Variants in MMEL1 observed in about 807,000 individuals in gnomAD.
MMEL1 encodes membrane metalloendopeptidase like 1.
A neutral mutation model predicts 117.1 loss-of-function variants in MMEL1; 98 were observed. That is an observed-to-expected ratio of 0.84 (90% CI 0.71 to 0.99). The LOEUF (loss-of-function observed/expected upper bound fraction) is 0.99. Among genes scored for constraint, MMEL1 ranks in the 50% least tolerant of loss-of-function variants. MMEL1 has a pLI of 0.00. For synonymous variants in MMEL1, 390 were observed against 415.1 expected (o/e 0.94, Z 0.74); for missense variants, 1,014 against 1,049.1 (o/e 0.97, Z 0.46).
At chr1:2,618,936 C>A (rs947019533) in intron 2 of MMEL1, among the ~76,000 whole-genome samples, 1 of 152,208 alleles carries the variant, frequency 6.6e-6, no homozygotes, top group Non-Finnish European at 1.5e-5. Context: ...TTCTCTGCAT[C>A]CGTGCCTTGG....
intron 12 of MMEL1, among the ~76,000 whole-genome samples, 159 bp from the exon 13 acceptor site, chr1:2,598,459 G>A (rs1245079440): frequency 6.6e-6 from 1 of 152,200 alleles, no homozygotes; most frequent in Non-Finnish European, 1.5e-5. Context: ...CAGCCCATCT[G>A]CCCCGGGTGC....
chr1:2,605,908 TTGTTTCGTG>T (rs1275925329), intron 8 of MMEL1, among the ~76,000 whole-genome samples: 2 of 152,096 alleles, frequency 1.3e-5, no homozygotes, highest in African/African-American at 2.4e-5. Context: ...GGGCGCGTAT[TTGTTTCGTG>T]TGTTTCTCTT....
chr1:2,605,794 T>G (rs1645015161), intron 8 of MMEL1, among the ~76,000 whole-genome samples, 171 bp from the exon 9 acceptor site: 2 of 125,242 alleles, frequency 1.6e-5, no homozygotes, highest in Non-Finnish European at 3.4e-5. Context: ...CTGCCCCGAG[T>G]GATGGTGGGG....
chr1:2,593,821 G>C lies in MMEL1; in HGVS notation c.1860C>G (p.Asp620Glu), dbSNP rs571161601. ...VIGHEITHGF[D>E]DNGRNFDKNG... Reference sequence around the variant, plus strand: ...GGAGGGGCGGCCGCTCACCATTGTCGTCAAAGCCGTGCGTGATCTCGTGCC... The same window carrying C: ...GGAGGGGCGGCCGCTCACCATTGTCCTCAAAGCCGTGCGTGATCTCGTGCC... The change falls in exon 19 of 24, where the codon GAC becomes GAG. Residue 620 changes from aspartate to glutamate, a missense_variant. By Grantham distance (45) the Asp-to-Glu change is conservative (BLOSUM62 2). Coordinates refer to ENST00000378412, the MANE Select transcript of MMEL1 (RefSeq NM_033467.4). 6.2e-7 allele frequency: 1 copy of C among 1,606,646 alleles called. No homozygotes were observed. Among genetic ancestry groups the C allele is most frequent in the Non-Finnish European group, 8.5e-7 (1 of 1,175,694 alleles).
Position 2,624,278 on chromosome 1 carries a change from G to A in MMEL1, c.154+5053C>T, listed in dbSNP as rs529906630. Among the ~76,000 whole-genome samples, 212 of 152,322 alleles carry A rather than the reference G, an allele frequency of 1.4e-3. 1 individual carries two copies. The highest frequency in any genetic ancestry group is 4.6e-3 in the African/African-American group (193 of 41,554). Reference sequence around the variant, plus strand: ...CTGGAGCAGGCAAGAGGAGAGAACCGTCTGGTCCCCGGGCTGACTTCTCTA... The same window carrying A: ...CTGGAGCAGGCAAGAGGAGAGAACCATCTGGTCCCCGGGCTGACTTCTCTA... On this transcript the variant is annotated intron_variant, in intron 2 of 23. Coordinates refer to ENST00000378412, the MANE Select transcript of MMEL1 (RefSeq NM_033467.4).
intron 2 of MMEL1, among the ~76,000 whole-genome samples, chr1:2,627,370 G>A (rs560667564): frequency 6.6e-6 from 1 of 152,216 alleles, no homozygotes; most frequent in African/African-American, 2.4e-5. Flanking sequence ...TCATTTTCTT[G>A]ATCTTTCCAA....
chr1:2,623,136 T>C (rs1645315874), intron 2 of MMEL1, among the ~76,000 whole-genome samples: 1 of 150,352 alleles, frequency 6.7e-6, no homozygotes, highest in African/African-American at 2.5e-5. Flanking sequence ...GCCACTGCAC[T>C]CCAGCCTGGC....
At chr1:2,605,915 G>A (rs1018967455) in intron 8 of MMEL1, among the ~76,000 whole-genome samples, 5 of 152,188 alleles carry the variant, frequency 3.3e-5, no homozygotes, top group Admixed American at 1.3e-4. Context: ...TATTTGTTTC[G>A]TGTGTTTCTC....
At chr1:2,597,854 T>C (rs893556176) in intron 13 of MMEL1, among the ~76,000 whole-genome samples, 1 of 152,210 alleles carries the variant, frequency 6.6e-6, no homozygotes, top group Non-Finnish European at 1.5e-5. Flanking sequence ...GTCCGGCCCC[T>C]GCCTGCTCCT....
intron 17 of MMEL1, 140 bp from the exon 18 acceptor site, chr1:2,594,583 T>G (rs1644800852): frequency 8.7e-7 from 1 of 1,150,066 alleles, no homozygotes; most frequent in Non-Finnish European, 1.3e-6. Flanking sequence ...GGTTCCTTCC[T>G]GGGGTCCCTG....
At chr1:2,594,012 A>G in intron 18 of MMEL1, 79 bp from the exon 19 acceptor site, 1 of 1,486,186 alleles carries the variant, frequency 6.7e-7, no homozygotes, top group Non-Finnish European at 8.9e-7. Flanking sequence ...TGGCGCTGCC[A>G]GGGGTTCTGA....
rs757775067 is a variant in MMEL1 at position 2,592,727 on chromosome 1, A to G, written c.2002-7T>C. ...GGGTGTTGAATCCGTTCACCTGCGCACAGGAGACAGGATTGGGGCAGCCCC... is the reference window on the plus strand; with the variant it reads ...GGGTGTTGAATCCGTTCACCTGCGCGCAGGAGACAGGATTGGGGCAGCCCC... On this transcript the variant is annotated splice_polypyrimidine_tract_variant and splice_region_variant and intron_variant, in intron 20 of 23. Coordinates refer to ENST00000378412, the MANE Select transcript of MMEL1 (RefSeq NM_033467.4). The G allele has an allele frequency of 7.5e-6, 12 of 1,610,626 alleles. No individual in the cohort carries two copies. The highest frequency in any genetic ancestry group is 9.3e-6 in the Non-Finnish European group (11 of 1,178,774).
rs141663399 is a variant in MMEL1, at chr1:2,595,497, G to A, written c.1501-138C>T. On this transcript the variant is annotated intron_variant, in intron 15 of 23. Coordinates refer to ENST00000378412, the MANE Select transcript of MMEL1 (RefSeq NM_033467.4). This position sits in a 1 kb window ranked among gnomAD's most constrained non-coding sequence, Gnocchi z 4.8. ...TGTGCTCTCCCTGTCCTGTGGTGAG[G>A]GGCTGGGGGGCTCCGGGATCTGGCC... is the stretch of plus-strand genomic sequence containing the variant. 1.5e-3 allele frequency: 1,064 copies of A among 698,088 alleles called. 10 individuals carry two copies. In the African/African-American group the frequency reaches 0.017, roughly 11 times the overall value. The allele number at this position is 698,088 out of a possible 1,614,324, so 43.2% of individuals were successfully genotyped here.
chr1:2,622,727 A>C (rs2100962427), intron 2 of MMEL1, among the ~76,000 whole-genome samples: 1 of 152,218 alleles, frequency 6.6e-6, no homozygotes, highest in Non-Finnish European at 1.5e-5. Context: ...TCTACTAAAA[A>C]TACAAAAATT....
intron 3 of MMEL1, 121 bp from the exon 4 acceptor site, chr1:2,611,461 G>A: frequency 1.8e-6 from 1 of 554,406 alleles, no homozygotes; most frequent in Non-Finnish European, 3.1e-6. Flanking sequence ...GACTGGGGTG[G>A]GCGGGGCAAG....
At position 2,633,014 on chromosome 1, in the gene MMEL1, C is replaced by T. The variant is rs968202868; in HGVS notation, c.-186G>A. 6 of 985,642 alleles carry T rather than the reference C, an allele frequency of 6.1e-6. No individual in the cohort carries two copies. The African/African-American group carries it at 1.0e-4, about 17-fold the overall frequency. The allele number at this position is 985,642 out of a possible 1,614,324, so 61.1% of individuals were successfully genotyped here. A position where few individuals can be genotyped will look rare whatever the true frequency, so the allele number is the denominator to read the frequency against. ...GTGGCTTGGGGCTGAGTTGAGGCTG[C>T]CTGAAGGCTTCTGGGCCTCCTTTGT... On this transcript the variant is annotated 5_prime_UTR_variant, in exon 1 of 24. Coordinates refer to ENST00000378412, the MANE Select transcript of MMEL1 (RefSeq NM_033467.4).
Position 2,604,135 on chromosome 1 carries a change from C to CCCCCCCCCAAAAAGG in MMEL1, c.951+11_951+12insCCTTTTTGGGGGGGG. 6.6e-7 allele frequency: 1 copy of CCCCCCCCCAAAAAGG among 1,520,166 alleles called. No homozygotes were observed. Among genetic ancestry groups the CCCCCCCCCAAAAAGG allele is most frequent in the Non-Finnish European group, 9.1e-7 (1 of 1,100,358 alleles). 94.2% of individuals were successfully genotyped at this position (1,520,166 alleles called of 1,614,324 possible). On this transcript the variant is annotated intron_variant, in intron 10 of 23. Transcript: ENST00000378412. ...CTCGCTGCCCGCTCCCCACCCGCCC[C>CCCCCCCCCAAAAAGG]GGCCCCCTTACCTTGGCCAGCTGTG...
rs111800902 is a variant in MMEL1, at chr1:2,612,352, G to A, written c.155-148C>T. 5.4e-3 allele frequency: 3,444 copies of A among 641,770 alleles called. 36 individuals are homozygous for A. Among genetic ancestry groups the A allele is most frequent in the South Asian group, 0.025 (1,312 of 53,306 alleles). The allele number at this position is 641,770 out of a possible 1,614,324, so 39.8% of individuals were successfully genotyped here. A position where few individuals can be genotyped will look rare whatever the true frequency, so the allele number is the denominator to read the frequency against. ...AGTGAGGGCTGGTCCCCAGGGCAGC[G>A]AGACAGGAGATCCACAGAGTTCACT... On this transcript the variant is annotated intron_variant, in intron 2 of 23. Transcript: ENST00000378412. The surrounding 1 kb of genome is among the most constrained non-coding windows in gnomAD (Gnocchi z 5.4).
chr1:2,591,872 G>A, intron 22 of MMEL1, 60 bp downstream of exon 22: 4 of 1,525,838 alleles, frequency 2.6e-6, no homozygotes, highest in Non-Finnish European at 3.6e-6. Flanking sequence ...CCCCAGAGTG[G>A]GCCCTCCAGA....
Sources: allele counts gnomAD v4.1 joint callset (sites outside exome capture counted in the v4.1 genomes callset), GRCh38; gene constraint gnomAD v4.1.1; non-coding constraint Gnocchi (gnomAD v3.1); transcripts MANE v1.5; gene names NCBI Gene and HGNC (gene_info 2026-07-23, HGNC 2026-07-21).